Variants in POR observed in about 807,000 individuals in gnomAD.
POR encodes NADPH--cytochrome P450 reductase.
POR carries 56 observed loss-of-function variants against 84.0 expected under a neutral mutation model. The ratio of observed to expected loss-of-function variants is 0.67; its 90% CI spans 0.54 to 0.83. The LOEUF is 0.83. Ranked by LOEUF, POR falls within the 40% of genes least tolerant of loss-of-function variation. The probability of loss-of-function intolerance (pLI) is 0.00; values close to 1 mark genes in which losing one functional copy is unlikely to be tolerated. For synonymous variants in POR, 414 were observed against 400.5 expected, an observed-to-expected ratio of 1.03 and a Z score of -0.40; for missense variants, 938 against 944.3, an observed-to-expected ratio of 0.99 and a Z score of 0.09.
intron 1 of POR, among the ~76,000 whole-genome samples, chr7:75,935,773 T>C (rs1438214625): frequency 6.6e-6 from 1 of 151,994 alleles, no homozygotes; most frequent in Non-Finnish European, 1.5e-5. Context: ...AATATTAATT[T>C]GGTTGGTCTG....
chr7:75,919,090 C>T (rs1554548484), intron 1 of POR, among the ~76,000 whole-genome samples: 1 of 151,714 alleles, frequency 6.6e-6, no homozygotes, highest in East Asian at 1.9e-4. Context: ...CCTCTGTCTC[C>T]TGGGTTCAAG....
rs781866008 is a variant in POR at position 75,983,527 on chromosome 7, G to A, written c.838G>A (p.Asp280Asn). The A allele has an allele frequency of 6.2e-7, 1 of 1,612,630 alleles. No individual in the cohort carries two copies. Among genetic ancestry groups the A allele is most frequent in the Non-Finnish European group, 8.5e-7 (1 of 1,179,610 alleles). ...TCTCTCCTCCCCACCCAGCCCCTTT[G>A]ATGCCAAGAATCCGTTCCTGGCTGC... Residue 280 changes from aspartate to asparagine, a missense_variant, in exon 9 of 16, where the codon GAT becomes AAT. Physicochemically the swap from Asp to Asn is conservative, Grantham distance 23. Transcript: ENST00000461988.
chr7:75,922,807 A>T (rs1329555073), intron 1 of POR: 2 of 479,194 alleles, frequency 4.2e-6, no homozygotes, highest in Admixed American at 6.2e-5. Context: ...AATCTCCTGA[A>T]AGCAGAAGGC....
chr7:75,981,938 GC>G, intron 7 of POR: 1 of 565,172 alleles, frequency 1.8e-6, no homozygotes, highest in Non-Finnish European at 3.2e-6. Flanking sequence ...GCCCTTGATG[GC>G]CCCTGGGTGC....
At chr7:75,981,215 G>T (rs923897790) in intron 6 of POR, 43 bp downstream of exon 6, 1 of 1,492,616 alleles carries the variant, frequency 6.7e-7, no homozygotes, top group Admixed American at 2.2e-5. Flanking sequence ...GGCGGGCTTA[G>T]GCAGGGGCCG....
At chr7:75,961,602 A>G (rs1223681501) in intron 2 of POR, among the ~76,000 whole-genome samples, 2 of 152,100 alleles carry the variant, frequency 1.3e-5, no homozygotes, top group Non-Finnish European at 2.9e-5. Flanking sequence ...TTTCATAACT[A>G]CTCACTCCTC....
intron 1 of POR, among the ~76,000 whole-genome samples, chr7:75,937,079 G>C (rs565496831): frequency 5.2e-4 from 78 of 151,098 alleles, no homozygotes; most frequent in African/African-American, 1.6e-3. Flanking sequence ...CGCCTGCCTC[G>C]GACTCCCAAA....
At chr7:75,956,267 C>T (rs1787680717) in intron 2 of POR, among the ~76,000 whole-genome samples, 1 of 152,162 alleles carries the variant, frequency 6.6e-6, no homozygotes, top group Non-Finnish European at 1.5e-5. Flanking sequence ...CCACTGCATT[C>T]CAGCCTGGGA....
At chr7:75,974,524 C>CTTTTTTTTTTT (rs1238804117) in intron 3 of POR, among the ~76,000 whole-genome samples, 32 of 107,888 alleles carry the variant, frequency 3.0e-4, no homozygotes, top group Non-Finnish European at 3.8e-4. Context: ...TTTTTCTTTT[C>CTTTTTTTTTTT]TTTTTTTTTT....
intron 1 of POR, among the ~76,000 whole-genome samples, chr7:75,947,501 G>A (rs1554552281): frequency 6.6e-6 from 1 of 152,018 alleles, no homozygotes; most frequent in African/African-American, 2.4e-5. Flanking sequence ...CACCATGTTG[G>A]CCAGGCTGGC....
At chr7:75,940,500 C>CATAATG (rs1807926214) in intron 1 of POR, among the ~76,000 whole-genome samples, 1 of 151,462 alleles carries the variant, frequency 6.6e-6, no homozygotes. Flanking sequence ...TAGGCACTCT[C>CATAATG]GTGGCCGGGT....
intron 1 of POR, among the ~76,000 whole-genome samples, chr7:75,933,530 AG>A (rs1807529282): frequency 6.6e-6 from 1 of 151,606 alleles, no homozygotes; most frequent in African/African-American, 2.4e-5. Context: ...CCAGGATTAC[AG>A]GCACCTGCCA....
intron 2 of POR, among the ~76,000 whole-genome samples, chr7:75,963,034 C>G (rs535198919): frequency 1.1e-4 from 17 of 152,196 alleles, no homozygotes; most frequent in Admixed American, 1.1e-3. Flanking sequence ...TCCTGAGTGA[C>G]CTTCCTTTTG....
chr7:75,959,911 G>T (rs1260793592), intron 2 of POR, among the ~76,000 whole-genome samples: 1 of 152,150 alleles, frequency 6.6e-6, no homozygotes. Flanking sequence ...TGGACTGTTT[G>T]TAATAGCAAT....
intron 2 of POR, among the ~76,000 whole-genome samples, chr7:75,958,183 C>G (rs992020594): frequency 1.3e-5 from 2 of 152,194 alleles, no homozygotes; most frequent in African/African-American, 2.4e-5. Context: ...CTGGCACGAT[C>G]TCGGCTCACT....
chr7:75,981,911 A>G, intron 7 of POR: 1 of 568,202 alleles, frequency 1.8e-6, no homozygotes, highest in Non-Finnish European at 3.1e-6. Flanking sequence ...GGCCAAAAAC[A>G]TAACGTTCCT....
chr7:75,983,879 C>T (rs1554558578), intron 10 of POR, 23 bp downstream of exon 10: 2 of 1,565,616 alleles, frequency 1.3e-6, no homozygotes, highest in Admixed American at 3.6e-5. Context: ...GTCAGGGCGC[C>T]CTGCCGGGCT....
intron 3 of POR, among the ~76,000 whole-genome samples, chr7:75,978,198 G>C (rs545788189): frequency 2.0e-5 from 3 of 152,226 alleles, no homozygotes; most frequent in African/African-American, 7.2e-5. Context: ...TGTATGTTTT[G>C]ATATACATAT....
chr7:75,927,156 G>A (rs1949677535), intron 1 of POR, among the ~76,000 whole-genome samples: 2 of 152,172 alleles, frequency 1.3e-5, no homozygotes, highest in South Asian at 4.1e-4. Flanking sequence ...TTTAACCTTT[G>A]TGATAATTAC....
Sources: allele counts gnomAD v4.1 joint callset (sites outside exome capture counted in the v4.1 genomes callset), GRCh38; gene constraint gnomAD v4.1.1; transcripts MANE v1.5; gene names NCBI Gene and HGNC (gene_info 2026-07-23, HGNC 2026-07-21).